The following ATP2C1 variants were observed in gnomAD, a reference collection of about 807,000 sequenced individuals.
The protein encoded by ATP2C1 is calcium-transporting ATPase type 2C member 1.
ATP2C1 carries 31 observed loss-of-function variants against 120.5 expected under a neutral mutation model. The ratio of observed to expected loss-of-function variants is 0.26; its 90% confidence interval spans 0.19 to 0.35. ATP2C1 has a LOEUF of 0.35. ATP2C1 is among the 10% of genes least tolerant of loss of function. The pLI is 1.00. For synonymous variants in ATP2C1, 351 were observed against 358.7 expected (o/e 0.98, Z 0.24); for missense variants, 731 against 1,107.5 (o/e 0.66, Z 4.83).
At chr3:131,014,638 G>A (rs1460430001) in intron 26 of ATP2C1, among the ~76,000 whole-genome samples, 1 of 152,138 alleles carries the variant, frequency 6.6e-6, no homozygotes, top group Non-Finnish European at 1.5e-5. Context: ...TAGTGGTTTT[G>A]CAGCTAGCCC....
intron 1 of ATP2C1, among the ~76,000 whole-genome samples, chr3:130,869,882 T>A (rs947355442): frequency 1.3e-5 from 2 of 152,208 alleles, no homozygotes; most frequent in Admixed American, 1.3e-4. Flanking sequence ...TGGCAGCAAG[T>A]AATCCAGAAG....
intron 20 of ATP2C1, among the ~76,000 whole-genome samples, chr3:130,991,671 T>C (rs79806121): frequency 0.014 from 2,136 of 152,282 alleles, 31 homozygotes; most frequent in East Asian, 0.074. Flanking sequence ...GGTAAAGATA[T>C]AGCAGTGAGG....
intron 2 of ATP2C1, among the ~76,000 whole-genome samples, chr3:130,922,667 C>G (rs997257463): frequency 6.6e-6 from 1 of 152,142 alleles, no homozygotes; most frequent in Non-Finnish European, 1.5e-5. Context: ...TGTTACCCCT[C>G]AGTTCATAGA....
At chr3:130,993,412 A>C (rs2062446430) in intron 21 of ATP2C1, among the ~76,000 whole-genome samples, 1 of 152,230 alleles carries the variant, frequency 6.6e-6, no homozygotes, top group Non-Finnish European at 1.5e-5. Flanking sequence ...ATTTAAACCA[A>C]CTGATAGAGT....
chr3:130,978,529 T>C (rs549897191), intron 18 of ATP2C1, among the ~76,000 whole-genome samples: 2 of 152,306 alleles, frequency 1.3e-5, no homozygotes, highest in South Asian at 4.1e-4. Context: ...TACTTTGTAC[T>C]ATATCTTACA....
intron 17 of ATP2C1, among the ~76,000 whole-genome samples, chr3:130,970,408 C>CACACACACA: frequency 1.6e-5 from 1 of 62,178 alleles, no homozygotes; most frequent in Admixed American, 1.4e-4. Flanking sequence ...ACACACACAC[C>CACACACACA]CTTAAACTTT....
At chr3:130,928,621 T>G (rs2059321181) in intron 2 of ATP2C1, among the ~76,000 whole-genome samples, 1 of 152,186 alleles carries the variant, frequency 6.6e-6, no homozygotes, top group African/African-American at 2.4e-5. Flanking sequence ...GTATTGACCT[T>G]GTTGGAAGAA....
intron 2 of ATP2C1, among the ~76,000 whole-genome samples, chr3:130,900,764 T>C (rs1214996781): frequency 6.6e-6 from 1 of 152,238 alleles, no homozygotes; most frequent in Admixed American, 6.5e-5. Flanking sequence ...GATCCAACTT[T>C]GAACCAGGTC....
At chr3:130,867,302 C>CTCCCTT (rs2068211910) in intron 1 of ATP2C1, among the ~76,000 whole-genome samples, 1 of 41,784 alleles carries the variant, frequency 2.4e-5, no homozygotes, top group East Asian at 4.2e-4. Context: ...GATTGTCCCT[C>CTCCCTT]TCCCTCTCCC....
At chr3:130,891,425 T>C (rs750605440), upstream of ATP2C1, among the ~76,000 whole-genome samples, 28 of 152,206 alleles carry the variant, frequency 1.8e-4, no homozygotes, top group Non-Finnish European at 3.1e-4. Flanking sequence ...TTCCCATTTG[T>C]AATATTTCCC....
At chr3:130,967,962 T>G (rs1366170754) in intron 16 of ATP2C1, among the ~76,000 whole-genome samples, 1 of 152,152 alleles carries the variant, frequency 6.6e-6, no homozygotes, top group African/African-American at 2.4e-5. Context: ...AGTCCTATAT[T>G]TGATTCAGTG....
intron 4 of ATP2C1, 54 bp downstream of exon 4, chr3:130,932,192 C>G (rs560201311): frequency 9.3e-7 from 1 of 1,076,676 alleles, no homozygotes; most frequent in Admixed American, 1.7e-5. Flanking sequence ...ACATGGACTT[C>G]TGTTATGTAG....
Position 130,858,928 on chromosome 3 carries a change from G to A in ATP2C1, c.108+8000G>A, listed in dbSNP as rs377198242. Among the ~76,000 whole-genome samples the A allele has an allele frequency of 1.8e-4, 28 of 152,268 alleles. No individual in the cohort carries two copies. In the South Asian group the frequency reaches 5.4e-3, roughly 29 times the overall value. On this transcript the variant is annotated intron_variant, in intron 1 of 26. Coordinates refer to the ATP2C1 transcript ENST00000504381. ...CCATGACCAATGGGTAGAATTGCAG[G>A]GAGGGATTATGATATACTAATAAAG...
intron 2 of ATP2C1, among the ~76,000 whole-genome samples, chr3:130,900,813 T>G (rs2057785249): frequency 6.6e-6 from 1 of 152,196 alleles, no homozygotes; most frequent in African/African-American, 2.4e-5. Flanking sequence ...CCTTTTTCAT[T>G]TGTAGTATAA....
intron 20 of ATP2C1, among the ~76,000 whole-genome samples, chr3:130,992,633 G>A (rs2062409764): frequency 1.3e-5 from 2 of 152,232 alleles, no homozygotes; most frequent in Middle Eastern, 3.4e-3. Flanking sequence ...GGAAACAGAC[G>A]CAAGAGAATT....
intron 8 of ATP2C1, among the ~76,000 whole-genome samples, chr3:130,952,312 A>G (rs917468658): frequency 2.0e-5 from 3 of 152,206 alleles, no homozygotes; most frequent in Non-Finnish European, 4.4e-5. Flanking sequence ...CATTGTAAGC[A>G]GTAATAAATA....
At chr3:130,947,085 G>T (rs578012487) in intron 8 of ATP2C1, among the ~76,000 whole-genome samples, 1 of 152,258 alleles carries the variant, frequency 6.6e-6, no homozygotes, top group East Asian at 1.9e-4. Flanking sequence ...TTTCAGGCCT[G>T]TTTTGTCACT....
At chr3:130,962,491 A>C (rs2060862228) in intron 12 of ATP2C1, among the ~76,000 whole-genome samples, 1 of 151,932 alleles carries the variant, frequency 6.6e-6, no homozygotes, top group Non-Finnish European at 1.5e-5. Context: ...GTAGATGAGC[A>C]GTTAGTTGCA....
intron 15 of ATP2C1, 29 bp downstream of exon 15, chr3:130,967,269 C>T (rs372294937): frequency 1.2e-6 from 2 of 1,611,660 alleles, no homozygotes; most frequent in African/African-American, 2.7e-5. Flanking sequence ...AAGATGGTGA[C>T]TTTCTTCATA....
Sources: gnomAD v4.1 joint callset for allele counts (sites outside exome capture counted in the v4.1 genomes callset) on GRCh38, gnomAD v4.1.1 for gene constraint, MANE v1.5 for transcripts, NCBI Gene and HGNC (gene_info 2026-07-23, HGNC 2026-07-21) for gene names.